Variants in ENTPD5 observed in about 807,000 individuals in gnomAD.
ENTPD5 encodes nucleoside diphosphate phosphatase ENTPD5.
A neutral mutation model predicts 60.2 loss-of-function variants in ENTPD5; 49 were observed. The observed-to-expected ratio is 0.81, with a 90% confidence interval of 0.65 to 1.03. The LOEUF (loss-of-function observed/expected upper bound fraction) is 1.03, where lower values mean the gene tolerates loss of function less well. Ranked by LOEUF, ENTPD5 falls within the 50% of genes least tolerant of loss-of-function variation. The pLI is 0.00. For synonymous variants in ENTPD5, 187 were observed against 185.4 expected (o/e 1.01, Z -0.07); for missense variants, 480 against 507.6 (o/e 0.95, Z 0.52).
At chr14:73,957,906 TAAGA>T, downstream of ENTPD5, 1 of 481,616 alleles carries the variant, frequency 2.1e-6, no homozygotes, top group South Asian at 2.1e-5. Context: ...ATGTGGACAG[TAAGA>T]AAGAGTGCCT....
At chr14:73,961,981 C>G (rs2056759257), downstream of ENTPD5, 3 of 1,541,654 alleles carry the variant, frequency 1.9e-6, no homozygotes, top group African/African-American at 4.1e-5. Context: ...GAGTCTTGGT[C>G]TTATCGCCCA....
At chr14:73,986,936 CA>C (rs774368010) in intron 4 of ENTPD5, 43 bp from the exon 5 acceptor site, 2 of 1,495,632 alleles carry the variant, frequency 1.3e-6, no homozygotes, top group African/African-American at 1.4e-5. Flanking sequence ...AGCTGGTTAC[CA>C]AAAGTTAGGC....
chr14:73,968,376 G>A (rs1184903506), intron 15 of ENTPD5, among the ~76,000 whole-genome samples: 2 of 151,628 alleles, frequency 1.3e-5, no homozygotes, highest in African/African-American at 4.9e-5. Context: ...CCCAATCTCT[G>A]CTTCAACCAG....
chr14:73,994,530 C>T (rs1043148708), intron 3 of ENTPD5, among the ~76,000 whole-genome samples: 2 of 151,634 alleles, frequency 1.3e-5, no homozygotes, highest in Non-Finnish European at 2.9e-5. Flanking sequence ...GTCAGGAGTT[C>T]GAAACCAGAC....
chr14:73,967,904 C>T (rs1019502091), intron 15 of ENTPD5, among the ~76,000 whole-genome samples: 1 of 151,672 alleles, frequency 6.6e-6, no homozygotes, highest in Non-Finnish European at 1.5e-5. Flanking sequence ...GCGGGTGGAT[C>T]ACCTGAGATC....
downstream of ENTPD5, chr14:73,958,166 C>T (rs183909165): frequency 6.2e-7 from 1 of 1,614,044 alleles, no homozygotes; most frequent in Admixed American, 1.7e-5. Context: ...CGGTTCTCTA[C>T]AGGAGCAAAG....
At chr14:73,958,626 T>C, downstream of ENTPD5, 1 of 1,290,378 alleles carries the variant, frequency 7.7e-7, no homozygotes, top group Non-Finnish European at 9.9e-7. Flanking sequence ...CTTCCCTTTT[T>C]GCATGGTAGC....
chr14:74,017,307 A>G (rs1470948585), intron 1 of ENTPD5, among the ~76,000 whole-genome samples: 1 of 136,594 alleles, frequency 7.3e-6, no homozygotes, highest in Non-Finnish European at 1.5e-5. Context: ...AACAAGAGCG[A>G]AACTCCATCT....
downstream of ENTPD5, chr14:73,960,747 G>T (rs565846414): frequency 2.3e-4 from 104 of 459,422 alleles, no homozygotes; most frequent in African/African-American, 2.0e-3. Flanking sequence ...AAGCATACAG[G>T]GGGGAAACAC....
At chr14:74,010,171 C>T (rs2058803579) in intron 3 of ENTPD5, among the ~76,000 whole-genome samples, 5 of 152,210 alleles carry the variant, frequency 3.3e-5, no homozygotes, top group Admixed American at 3.3e-4. Flanking sequence ...AAATGATCCA[C>T]CAGCCTCAGC....
intron 3 of ENTPD5, chr14:74,003,355 T>G (rs1164654450): frequency 1.8e-6 from 1 of 557,836 alleles, no homozygotes; most frequent in East Asian, 4.0e-5. Flanking sequence ...GGCTAGGGTT[T>G]CTCTCAGCCT....
chr14:73,993,605 A>G (rs1310643663), intron 3 of ENTPD5, among the ~76,000 whole-genome samples: 1 of 152,220 alleles, frequency 6.6e-6, no homozygotes, highest in Non-Finnish European at 1.5e-5. Context: ...AATGAGCTAG[A>G]CATGTAGATC....
chr14:73,985,075 CT>C (rs1394765780), intron 5 of ENTPD5, among the ~76,000 whole-genome samples: 6 of 152,150 alleles, frequency 3.9e-5, no homozygotes, highest in Admixed American at 1.3e-4. Context: ...TGAACTCATC[CT>C]TTTTTTATGG....
chr14:73,959,328 G>T (rs762648115), downstream of ENTPD5: 24 of 1,613,960 alleles, frequency 1.5e-5, no homozygotes, highest in Non-Finnish European at 1.9e-5. Flanking sequence ...CAGGCTGTTT[G>T]TAAGTTCCCT....
At chr14:73,992,735 G>A (rs183396683) in intron 3 of ENTPD5, among the ~76,000 whole-genome samples, 43 of 152,014 alleles carry the variant, frequency 2.8e-4, no homozygotes, top group Non-Finnish European at 4.9e-4. Context: ...GGGTGTGGTG[G>A]CGCACGCCTA....
At chr14:73,975,819 G>T in intron 10 of ENTPD5, 117 bp downstream of exon 10, 2 of 837,100 alleles carry the variant, frequency 2.4e-6, no homozygotes, top group Non-Finnish European at 3.7e-6. Context: ...AGGCCTTAGG[G>T]AATTGGCACA....
At chr14:73,990,437 T>G (rs948988348) in intron 3 of ENTPD5, among the ~76,000 whole-genome samples, 1 of 151,826 alleles carries the variant, frequency 6.6e-6, no homozygotes, top group Non-Finnish European at 1.5e-5. Context: ...CGGGCTCAAG[T>G]GATCCTTCCT....
rs1352489638 is a variant in ENTPD5 at position 73,997,700 on chromosome 14, A to G, written c.-70-9528T>C. ...AGTGAGCAATGCCTTATTTGAGGAT[A>G]TAACTTATAATACAAAGGGCCACAG... On this transcript the variant is annotated intron_variant, in intron 3 of 15. Coordinates refer to ENST00000334696, the MANE Select transcript of ENTPD5 (RefSeq NM_001249.5). Among the ~76,000 whole-genome samples the G allele has an allele frequency of 3.9e-5, 6 of 152,170 alleles. 1 individual carries two copies. The South Asian group carries it at 1.2e-3, about 32-fold the overall frequency.
chr14:73,961,836 G>T (rs774312474), downstream of ENTPD5: 1 of 1,614,172 alleles, frequency 6.2e-7, no homozygotes, highest in Admixed American at 1.7e-5. Flanking sequence ...TATTCTACCA[G>T]TGCCTCCCCG....
Sources: allele counts gnomAD v4.1 joint callset (sites outside exome capture counted in the v4.1 genomes callset), GRCh38; gene constraint gnomAD v4.1.1; transcripts MANE v1.5; gene names NCBI Gene and HGNC (gene_info 2026-07-23, HGNC 2026-07-21).